MAPRE2: variants seen among roughly 807,000 people sequenced by gnomAD.
MAPRE2 encodes the protein microtubule-associated protein RP/EB family member 2.
Under a neutral mutation model 43.2 loss-of-function variants are expected in MAPRE2, and 13 were observed. The ratio of observed to expected loss-of-function variants is 0.30; its 90% CI spans 0.20 to 0.48. MAPRE2 has a LOEUF of 0.48. MAPRE2 is among the 20% of genes least tolerant of loss of function. The pLI, the probability that MAPRE2 is intolerant of heterozygous loss-of-function variation, is 0.99. For synonymous variants in MAPRE2, 135 were observed against 148.8 expected (o/e 0.91, Z 0.68); for missense variants, 161 against 400.2 (o/e 0.40, Z 5.10).
At position 35,143,034 on chromosome 18, in the gene MAPRE2, A is replaced by C. The variant is rs1910731865; in HGVS notation, c.*2665A>C. On this transcript the variant is annotated 3_prime_UTR_variant, in exon 7 of 7. Coordinates refer to ENST00000300249, the MANE Select transcript of MAPRE2 (RefSeq NM_014268.4). ...TAGGAAGTGATCGAAGCAGGGGGCAAAGAGAAAGCCCATATTTGTTCTAAG... is the reference window on the plus strand; with the variant it reads ...TAGGAAGTGATCGAAGCAGGGGGCACAGAGAAAGCCCATATTTGTTCTAAG... The C allele has an allele frequency of 6.6e-6, 1 of 151,386 alleles. No homozygotes were observed. The highest frequency in any genetic ancestry group is 1.5e-5 in the Non-Finnish European group (1 of 67,878). The allele number at this position is 151,386 out of a possible 1,614,324, so 9.4% of individuals were successfully genotyped here.
At chr18:35,056,170 A>G (rs981762161) in intron 1 of MAPRE2, among the ~76,000 whole-genome samples, 6 of 152,240 alleles carry the variant, frequency 3.9e-5, no homozygotes, top group African/African-American at 1.4e-4. Context: ...CTAGCATCCT[A>G]CTTTAAGTTT....
chr18:35,109,178 A>T (rs1356440527), intron 4 of MAPRE2, among the ~76,000 whole-genome samples: 2 of 152,242 alleles, frequency 1.3e-5, no homozygotes, highest in African/African-American at 4.8e-5. Flanking sequence ...AGTTTTCTGC[A>T]TATGGCTTGC....
At chr18:35,055,727 C>T (rs963849361) in intron 1 of MAPRE2, among the ~76,000 whole-genome samples, 4 of 152,018 alleles carry the variant, frequency 2.6e-5, no homozygotes, top group African/African-American at 7.2e-5. Context: ...CCGAGGTGGG[C>T]GGATCATGAG....
chr18:35,117,257 C>T (rs574479682), intron 4 of MAPRE2, among the ~76,000 whole-genome samples: 3 of 152,274 alleles, frequency 2.0e-5, no homozygotes, highest in East Asian at 1.9e-4. Flanking sequence ...TGGGGCTCAC[C>T]GCGGAGTTCT....
intron 2 of MAPRE2, among the ~76,000 whole-genome samples, chr18:35,035,093 C>A (rs1400929032): frequency 6.6e-6 from 1 of 151,940 alleles, no homozygotes; most frequent in African/African-American, 2.4e-5. Flanking sequence ...TTCACTATAG[C>A]AAAGACTTGG....
intron 2 of MAPRE2, among the ~76,000 whole-genome samples, chr18:35,012,541 A>G (rs537905319): frequency 1.4e-4 from 22 of 152,246 alleles, no homozygotes; most frequent in Non-Finnish European, 5.9e-5. Flanking sequence ...TCTGGTATAT[A>G]CATACAATGG....
chr18:35,050,078 T>G (rs907293276), intron 1 of MAPRE2, among the ~76,000 whole-genome samples: 1 of 152,098 alleles, frequency 6.6e-6, no homozygotes, highest in Non-Finnish European at 1.5e-5. Flanking sequence ...ACTTTATTCA[T>G]AGAGAAACTG....
At chr18:35,121,711 T>C (rs1018283445) in intron 4 of MAPRE2, among the ~76,000 whole-genome samples, 1 of 152,182 alleles carries the variant, frequency 6.6e-6, no homozygotes, top group Admixed American at 6.5e-5. Context: ...GTTTTCCACA[T>C]AAGCATCATT....
chr18:35,005,530 AG>A, exon 2 of MAPRE2: 2 of 1,545,004 alleles, frequency 1.3e-6, no homozygotes, highest in Non-Finnish European at 8.7e-7. Flanking sequence ...TTCAACAGCC[AG>A]GGAGAAAGCC....
At chr18:35,085,774 C>G (rs137868552) in intron 2 of MAPRE2, among the ~76,000 whole-genome samples, 1 of 152,186 alleles carries the variant, frequency 6.6e-6, no homozygotes, top group African/African-American at 2.4e-5. Flanking sequence ...GACCAGAGAT[C>G]AGTCCAACAC....
chr18:35,069,836 T>C (rs896539864), intron 1 of MAPRE2, among the ~76,000 whole-genome samples: 1 of 152,156 alleles, frequency 6.6e-6, no homozygotes, highest in African/African-American at 2.4e-5. Context: ...ACTGAAATAA[T>C]GTATGAAACT....
At chr18:35,041,338 G>C (rs112135873), upstream of MAPRE2, 1 of 1,436,032 alleles carries the variant, frequency 7.0e-7, no homozygotes, top group Non-Finnish European at 9.1e-7. Context: ...CGTGACCAGG[G>C]TGCTGCTGCC....
intron 4 of MAPRE2, among the ~76,000 whole-genome samples, chr18:35,126,726 A>G (rs1909920186): frequency 6.6e-6 from 1 of 152,096 alleles, no homozygotes; most frequent in Non-Finnish European, 1.5e-5. Context: ...TTGAGGAAAA[A>G]AAAAACAGCA....
chr18:35,037,086 G>A (rs2097050945), upstream of MAPRE2, among the ~76,000 whole-genome samples: 1 of 151,824 alleles, frequency 6.6e-6, no homozygotes, highest in Admixed American at 6.6e-5. Context: ...TAGCACTTGT[G>A]TTGTAATCAT....
intron 1 of MAPRE2, among the ~76,000 whole-genome samples, chr18:35,052,749 A>G (rs1206835087): frequency 4.6e-5 from 7 of 152,206 alleles, no homozygotes; most frequent in South Asian, 2.1e-4. Flanking sequence ...AATGTTGGCC[A>G]TCCTTATGGA....
chr18:35,032,513 G>A (rs886404472), intron 2 of MAPRE2, among the ~76,000 whole-genome samples: 1 of 152,080 alleles, frequency 6.6e-6, no homozygotes, highest in Non-Finnish European at 1.5e-5. Flanking sequence ...AGAAGTGGAG[G>A]GATGATGATT....
At chr18:35,080,950 GAC>G (rs1907601473) in intron 2 of MAPRE2, among the ~76,000 whole-genome samples, 2 of 152,006 alleles carry the variant, frequency 1.3e-5, no homozygotes, top group South Asian at 4.2e-4. Context: ...CAAATTATTT[GAC>G]ATGAGAAGCA....
intron 2 of MAPRE2, among the ~76,000 whole-genome samples, chr18:35,014,743 G>T (rs1203607388): frequency 6.6e-6 from 1 of 152,064 alleles, no homozygotes; most frequent in African/African-American, 2.4e-5. Flanking sequence ...TTACTGAGCA[G>T]TTTGATGGTG....
At chr18:35,025,190 A>C (rs1000575119) in intron 2 of MAPRE2, among the ~76,000 whole-genome samples, 1 of 152,180 alleles carries the variant, frequency 6.6e-6, no homozygotes, top group African/African-American at 2.4e-5. Flanking sequence ...ACTCTTCTCA[A>C]GTACTGTGAA....
Sources: gnomAD v4.1 joint callset for allele counts (sites outside exome capture counted in the v4.1 genomes callset) on GRCh38, gnomAD v4.1.1 for gene constraint, MANE v1.5 for transcripts, NCBI Gene and HGNC (gene_info 2026-07-23, HGNC 2026-07-21) for gene names.